Variants in SYNE2 observed in about 807,000 individuals in gnomAD.
The protein encoded by SYNE2 is spectrin repeat containing nuclear envelope protein 2.
Under a neutral mutation model 856.3 loss-of-function variants are expected in SYNE2, and 431 were observed. That is an observed-to-expected ratio of 0.50 (90% confidence interval 0.47 to 0.55). SYNE2 has a LOEUF of 0.55. SYNE2 is among the 20% of genes least tolerant of loss of function. The pLI is 0.00. For missense variants in SYNE2, 8,129 were observed against 8,023.2 expected (o/e 1.01, Z -0.50); for synonymous variants, 2,923 against 2,872.3 (o/e 1.02, Z -0.56).
chr14:63,811,946 A>G (rs551640737), intron 1 of SYNE2, among the ~76,000 whole-genome samples: 1 of 152,340 alleles, frequency 6.6e-6, no homozygotes, highest in East Asian at 1.9e-4. Context: ...TCACAAGGCA[A>G]AGGGTGAAAT....
Position 64,175,003 on chromosome 14 carries a change from A to T in SYNE2, c.17295A>T (p.Gly5765=). The T allele has an allele frequency of 6.2e-7, 1 of 1,614,194 alleles. No homozygotes were observed. Among genetic ancestry groups the T allele is most frequent in the Non-Finnish European group, 8.5e-7 (1 of 1,180,034 alleles). The change falls in exon 95 of 116, where the codon GGA becomes GGT. Residue 5765 remains glycine (G), a synonymous_variant. Transcript: ENST00000555002. ...RTTCALTLEA[G]EKLLLTTDLK... is the part of the protein sequence containing the mutation. ...CCTGTGCCCTAACCTTGGAAGCTGG[A>T]GAAAAGTTACTGCTCACAACTGACC...
intron 45 of SYNE2, among the ~76,000 whole-genome samples, chr14:64,045,738 A>G (rs868073958): frequency 1.3e-5 from 2 of 152,238 alleles, no homozygotes; most frequent in Admixed American, 6.5e-5. Flanking sequence ...CTAAATGCCA[A>G]TTAAGTACTT....
Position 63,997,342 on chromosome 14 carries a change from A to G in SYNE2, c.3194A>G (p.His1065Arg). ...TTSENRGGDP[H>R]SEAPFAKSDN... ...TCTGAGAATAGAGGAGGGGATCCCC[A>G]CAGTGAGGCACCATTTGCAAAATCA... The change falls in exon 25 of 116, where the codon CAC becomes CGC. Residue 1065 changes from histidine to arginine, a missense_variant. By Grantham distance (29) the His-to-Arg change is conservative (BLOSUM62 0). Transcript: ENST00000555002. 3 of 1,613,822 alleles carry G rather than the reference A, an allele frequency of 1.9e-6. No individual in the cohort carries two copies. Among genetic ancestry groups the G allele is most frequent in the Non-Finnish European group, 2.5e-6 (3 of 1,179,934 alleles).
At position 64,078,617 on chromosome 14, in the gene SYNE2, C is replaced by T. The variant is rs756231699; in HGVS notation, c.11163+11C>T. ...CAAGAAATTCAAAAGGTAAAATCCT[C>T]CTTTAACTCCCTTCAGCATTTGGTA... On this transcript the variant is annotated intron_variant, in intron 55 of 115. Transcript: ENST00000555002. 2 of 1,613,196 alleles carry T rather than the reference C, an allele frequency of 1.2e-6. No homozygotes were observed. Among genetic ancestry groups the T allele is most frequent in the Admixed American group, 1.7e-5 (1 of 60,018 alleles).
At chr14:64,073,890 T>G (rs777475325) in intron 52 of SYNE2, 78 bp from the exon 53 acceptor site, 58 of 1,485,808 alleles carry the variant, frequency 3.9e-5, no homozygotes, top group Non-Finnish European at 5.3e-5. Flanking sequence ...TTTCATTAAT[T>G]GTTGCAATAA....
At chr14:63,962,785 G>A (rs1158715707) in intron 9 of SYNE2, among the ~76,000 whole-genome samples, 1 of 151,956 alleles carries the variant, frequency 6.6e-6, no homozygotes, top group Non-Finnish European at 1.5e-5. Context: ...CAAGTGATCT[G>A]CCTGCCTTGG....
At chr14:64,075,597 CTTTT>C (rs58200430) in intron 53 of SYNE2, 146 of 163,628 alleles carry the variant, frequency 8.9e-4, no homozygotes, top group South Asian at 1.6e-3. Context: ...TTCTTTGAAA[CTTTT>C]TTTTTTTTTT....
At chr14:64,076,124 GTTA>G in intron 54 of SYNE2, 24 bp downstream of exon 54, 1 of 1,609,316 alleles carries the variant, frequency 6.2e-7, no homozygotes, top group Non-Finnish European at 8.5e-7. Flanking sequence ...CTGTACTACT[GTTA>G]TTATTTACGG....
chr14:64,029,951 C>T lies in SYNE2; in HGVS notation c.6771C>T (p.Cys2257=), dbSNP rs1245266938. 12 of 1,613,944 alleles carry T rather than the reference C, an allele frequency of 7.4e-6. No homozygotes were observed. The highest frequency in any genetic ancestry group is 3.3e-5 in the Admixed American group (2 of 60,022). The part of the protein sequence containing the change: ...HVREHDSYQV[C]VTDLNTTLDN... Reference sequence around the variant, plus strand: ...GAGAACATGATTCATACCAGGTTTGCGTCACAGACCTGAATACTACATTGG... The same window carrying T: ...GAGAACATGATTCATACCAGGTTTGTGTCACAGACCTGAATACTACATTGG... The change falls in exon 44 of 116, where the codon TGC becomes TGT. Residue 2257 remains cysteine, a synonymous_variant. Transcript: ENST00000555002.
chr14:63,799,894 C>CCGCCA (rs1888067068), intron 1 of SYNE2, among the ~76,000 whole-genome samples: 1 of 152,132 alleles, frequency 6.6e-6, no homozygotes, highest in South Asian at 2.1e-4. Context: ...ATAGAAGATA[C>CCGCCA]TGCCAGATGA....
chr14:63,994,967 A>G (rs1171448894), intron 22 of SYNE2, 77 bp from the exon 23 acceptor site: 5 of 951,330 alleles, frequency 5.3e-6, no homozygotes, highest in Non-Finnish European at 7.8e-6. Flanking sequence ...CACTACACAT[A>G]TATTTATTGT....
intron 1 of SYNE2, among the ~76,000 whole-genome samples, chr14:63,898,167 C>T (rs1355340097): frequency 6.6e-6 from 1 of 152,140 alleles, no homozygotes; most frequent in Non-Finnish European, 1.5e-5. Flanking sequence ...TTCATGGGTT[C>T]ACTCCTGCCT....
chr14:63,889,891 C>T (rs1195044119), intron 1 of SYNE2, among the ~76,000 whole-genome samples: 19 of 152,012 alleles, frequency 1.2e-4, no homozygotes, highest in Non-Finnish European at 4.4e-5. Context: ...CATGGACAAC[C>T]GTGTATTAAT....
chr14:64,205,076 G>A (rs1282338325), intron 100 of SYNE2, among the ~76,000 whole-genome samples: 1 of 152,130 alleles, frequency 6.6e-6, no homozygotes, highest in Non-Finnish European at 1.5e-5. Context: ...AGGACCCTTA[G>A]GATTACAGTG....
In SYNE2 at chr14:64,177,351, CA is replaced by C. The variant is rs1567554956; in HGVS notation, c.17431-4del. The C allele has an allele frequency of 6.2e-7, 1 of 1,614,080 alleles. No homozygotes were observed. The highest frequency in any genetic ancestry group is 8.5e-7 in the Non-Finnish European group (1 of 1,179,984). On this transcript the variant is annotated splice_polypyrimidine_tract_variant and splice_region_variant and intron_variant, in intron 95 of 115. Transcript: ENST00000555002. ...TACTTACCAGTTTTAATCTTGTTTT[CA>C]AATAGACCTGGGACCAGTGTGAAAA...
intron 9 of SYNE2, among the ~76,000 whole-genome samples, chr14:63,962,510 C>T (rs922623315): frequency 4.6e-5 from 7 of 152,076 alleles, no homozygotes; most frequent in African/African-American, 9.7e-5. Context: ...AGCACATTTC[C>T]GGTTTGCCTA....
chr14:64,022,927 T>C, intron 38 of SYNE2, 64 bp downstream of exon 38: 1 of 869,580 alleles, frequency 1.1e-6, no homozygotes, highest in South Asian at 1.5e-5. Context: ...GGCATAGAAC[T>C]GTATCAAAAT....
intron 2 of SYNE2, among the ~76,000 whole-genome samples, chr14:63,923,189 CT>C (rs2095621150): frequency 6.6e-6 from 1 of 152,136 alleles, no homozygotes; most frequent in South Asian, 2.1e-4. Flanking sequence ...TAGCACCCAA[CT>C]TCTAGACTTT....
At chr14:63,985,586 C>T (rs1169616620) in intron 18 of SYNE2, among the ~76,000 whole-genome samples, 1 of 151,944 alleles carries the variant, frequency 6.6e-6, no homozygotes, top group East Asian at 1.9e-4. Flanking sequence ...TTTATAGTCA[C>T]CCTAATTTAC....
Sources: allele counts gnomAD v4.1 joint callset (sites outside exome capture counted in the v4.1 genomes callset), GRCh38; gene constraint gnomAD v4.1.1; transcripts MANE v1.5; gene names NCBI Gene and HGNC (gene_info 2026-07-23, HGNC 2026-07-21).